Variants in NOTCH2NLB observed in about 807,000 individuals in gnomAD.
The protein encoded by NOTCH2NLB is notch homolog 2 N-terminal-like protein B.
NOTCH2NLB carries 1 observed loss-of-function variant against 14.8 expected under a neutral mutation model. The ratio of observed to expected loss-of-function variants is 0.07; its 90% confidence interval spans 0.02 to 0.32. The LOEUF is 0.32. Ranked by LOEUF, NOTCH2NLB falls within the 10% of genes least tolerant of loss-of-function variation. The pLI, the probability that NOTCH2NLB is intolerant of heterozygous loss-of-function variation, is 1.00. For missense variants in NOTCH2NLB, 11 were observed against 155.0 expected (o/e 0.07, Z 4.93); for synonymous variants, 6 against 57.5 (o/e 0.10, Z 4.05).
In NOTCH2NLB at chr1:148,623,979, A is replaced by T. The variant is rs1663940336; in HGVS notation, c.78-8029T>A. ...CCTGAGGTATAGAATTATCCTTCAT[A>T]CCCCAGGAAGCTAAGCAGCATTATG... On this transcript the variant is annotated intron_variant, in intron 2 of 4. Transcript: ENST00000593495. Among the ~76,000 whole-genome samples the T allele has an allele frequency of 2.2e-5, 2 of 90,818 alleles. 1 individual carries two copies. Among genetic ancestry groups the T allele is most frequent in the Non-Finnish European group, 3.8e-5 (2 of 51,974 alleles). The allele number at this position is 90,818 out of a possible 152,430, so 59.6% of individuals were successfully genotyped here. A position where few individuals can be genotyped will look rare whatever the true frequency, so the allele number is the denominator to read the frequency against.
intron 2 of NOTCH2NLB, among the ~76,000 whole-genome samples, chr1:148,636,886 G>A (rs1165330338): frequency 2.4e-4 from 35 of 144,830 alleles, no homozygotes; most frequent in Non-Finnish European, 4.2e-4. Context: ...TACAAGTTTT[G>A]TTGTTCATCT....
chr1:148,646,024 T>G (rs1664365296), intron 1 of NOTCH2NLB, among the ~76,000 whole-genome samples: 1 of 144,128 alleles, frequency 6.9e-6, no homozygotes, highest in South Asian at 2.2e-4. Flanking sequence ...CTTCCAAATC[T>G]CACGTTGAAA....
At chr1:148,637,705 G>A (rs1231300598) in intron 2 of NOTCH2NLB, among the ~76,000 whole-genome samples, 6 of 137,968 alleles carry the variant, frequency 4.3e-5, no homozygotes, top group Admixed American at 2.8e-4. Context: ...TAAGCCCCAC[G>A]TGCATTAGGT....
At position 148,625,500 on chromosome 1, in the gene NOTCH2NLB, TG is replaced by T. The variant is rs1385019573; in HGVS notation, c.78-9551del. On this transcript the variant is annotated intron_variant, in intron 2 of 4. Coordinates refer to ENST00000593495, the Ensembl canonical transcript of NOTCH2NLB. Reference sequence around the variant, plus strand: ...ATTTTTAAAAAAACTATACAGAATGTGGAACGAAGGGGAAAAAAAAGTCTCA... The same window carrying T: ...ATTTTTAAAAAAACTATACAGAATGTGAACGAAGGGGAAAAAAAAGTCTCA... Among the ~76,000 whole-genome samples the T allele has an allele frequency of 8.9e-5, 9 of 100,938 alleles. 2 individuals carry two copies. The highest frequency in any genetic ancestry group is 4.3e-4 in the African/African-American group (9 of 21,144). 66.2% of individuals were successfully genotyped at this position (100,938 alleles called of 152,430 possible). A position where few individuals can be genotyped will look rare whatever the true frequency, so the allele number is the denominator to read the frequency against.
chr1:148,673,646 C>A (rs1367966915), intron 1 of NOTCH2NLB, among the ~76,000 whole-genome samples: 14 of 149,140 alleles, frequency 9.4e-5, no homozygotes, highest in African/African-American at 3.4e-4. Context: ...TCGCAAATTT[C>A]TTTTAAGACA....
the NOTCH2NLB span, among the ~76,000 whole-genome samples, chr1:148,693,086 C>A: frequency 1.2e-5 from 1 of 84,182 alleles, no homozygotes; most frequent in Admixed American, 1.2e-4. Context: ...AAGAAGAGAG[C>A]CGCCCCCCCC....
the NOTCH2NLB span, among the ~76,000 whole-genome samples, chr1:148,703,247 G>A: frequency 6.5e-4 from 78 of 120,720 alleles, no homozygotes; most frequent in African/African-American, 1.7e-3. Context: ...CCAAGATCAC[G>A]CCACTGCACT....
At chr1:148,602,269 A>C, downstream of NOTCH2NLB, among the ~76,000 whole-genome samples, 1 of 67,572 alleles carries the variant, frequency 1.5e-5, no homozygotes, top group Non-Finnish European at 2.4e-5. Flanking sequence ...CAAAAAAAAA[A>C]AAAAAAAAAA....
chr1:148,703,379 T>C, the NOTCH2NLB span, among the ~76,000 whole-genome samples: 1 of 99,330 alleles, frequency 1.0e-5, no homozygotes. Context: ...GAATGGTTAA[T>C]TCTGTCTGTG....
At chr1:148,679,849 C>T (rs1664904638), upstream of NOTCH2NLB, 1 of 205,300 alleles carries the variant, frequency 4.9e-6, no homozygotes, top group Non-Finnish European at 8.8e-6. Context: ...GGCCTCGGCC[C>T]CGCCGCCTTG....
rs1335143615 is a variant in NOTCH2NLB, at chr1:148,633,477, C to T, written c.77+6539G>A. ...CTGAGGCAGGAGAATGGCATGAACC[C>T]GGGAGGCGGAGCTTGCAGTGAGCCA... On this transcript the variant is annotated intron_variant, in intron 2 of 4. Transcript: ENST00000593495. Among the ~76,000 whole-genome samples, 12 of 71,878 alleles carry T rather than the reference C, an allele frequency of 1.7e-4. No homozygotes were observed. In the South Asian group the frequency reaches 3.9e-3, roughly 23 times the overall value. The allele number at this position is 71,878 out of a possible 152,430, so 47.2% of individuals were successfully genotyped here. A position where few individuals can be genotyped will look rare whatever the true frequency, so the allele number is the denominator to read the frequency against.
At chr1:148,621,633 T>TATGTATCAAAGTTAAGA (rs1663876277) in intron 2 of NOTCH2NLB, among the ~76,000 whole-genome samples, 3 of 123,202 alleles carry the variant, frequency 2.4e-5, no homozygotes, top group Admixed American at 2.3e-4. Context: ...AATTATGTCT[T>TATGTATCAAAGTTAAGA]AACTTTGAAA....
intron 1 of NOTCH2NLB, among the ~76,000 whole-genome samples, chr1:148,660,576 T>C (rs1664650257): frequency 1.4e-5 from 2 of 142,440 alleles, no homozygotes; most frequent in African/African-American, 5.1e-5. Context: ...CATGGCCTTG[T>C]CTCTATAAAA....
the NOTCH2NLB span, among the ~76,000 whole-genome samples, chr1:148,700,015 G>A: frequency 4.4e-5 from 4 of 90,886 alleles, 2 homozygotes; most frequent in East Asian, 1.1e-3. Flanking sequence ...TATTCTTCCC[G>A]ACACTCTCCC....
chr1:148,637,595 T>C (rs1285547204), intron 2 of NOTCH2NLB, among the ~76,000 whole-genome samples: 4 of 148,216 alleles, frequency 2.7e-5, no homozygotes, highest in Non-Finnish European at 6.0e-5. Context: ...AAATTTTGCT[T>C]TTAAGTTTTG....
intron 2 of NOTCH2NLB, among the ~76,000 whole-genome samples, chr1:148,621,666 A>G (rs1487591740): frequency 1.8e-5 from 2 of 108,396 alleles, no homozygotes; most frequent in Non-Finnish European, 1.8e-5. Context: ...GTCTCTCTAC[A>G]ATTTCCAGGT....
At chr1:148,703,304 T>G in the NOTCH2NLB span, among the ~76,000 whole-genome samples, 1 of 132,846 alleles carries the variant, frequency 7.5e-6, no homozygotes, top group African/African-American at 2.6e-5. Context: ...AAAAAAAAAA[T>G]CAATGTTACA....
At chr1:148,605,415 T>C (rs1408588077), downstream of NOTCH2NLB, among the ~76,000 whole-genome samples, 76 of 144,074 alleles carry the variant, frequency 5.3e-4, 8 homozygotes, top group Non-Finnish European at 9.3e-4. Flanking sequence ...CCATTCCCAC[T>C]CCTCATGCTA....
At chr1:148,693,070 G>A in the NOTCH2NLB span, among the ~76,000 whole-genome samples, 4 of 130,938 alleles carry the variant, frequency 3.1e-5, no homozygotes, top group South Asian at 5.1e-4. Context: ...ATTCTCTGCC[G>A]CTAGGAAGAA....
Sources: allele counts gnomAD v4.1 joint callset (sites outside exome capture counted in the v4.1 genomes callset), GRCh38; gene constraint gnomAD v4.1.1; transcripts MANE v1.5; gene names NCBI Gene and HGNC (gene_info 2026-07-23, HGNC 2026-07-21).